Variants in ASAP2 observed in about 807,000 individuals in gnomAD.
The protein encoded by ASAP2 is arf-GAP with SH3 domain, ANK repeat and PH domain-containing protein 2.
Under a neutral mutation model 131.4 loss-of-function variants are expected in ASAP2, and 45 were observed. That is an observed-to-expected ratio of 0.34 (90% CI 0.27 to 0.44). The LOEUF is 0.44. Ranked by LOEUF, ASAP2 falls within the 20% of genes least tolerant of loss-of-function variation. The pLI, the probability that ASAP2 is intolerant of heterozygous loss-of-function variation, is 1.00. For missense variants in ASAP2, 1,011 were observed against 1,297.0 expected, an observed-to-expected ratio of 0.78 and a Z score of 3.39; for synonymous variants, 510 against 503.0, an observed-to-expected ratio of 1.01 and a Z score of -0.19.
intron 1 of ASAP2, among the ~76,000 whole-genome samples, chr2:9,224,969 G>A (rs77896360): frequency 6.6e-6 from 1 of 152,220 alleles, no homozygotes; most frequent in Admixed American, 6.5e-5. Flanking sequence ...GAGGGCATGG[G>A]AGGGCTAGCT....
intron 2 of ASAP2, among the ~76,000 whole-genome samples, chr2:9,292,088 T>C (rs982714645): frequency 6.6e-6 from 1 of 152,108 alleles, no homozygotes; most frequent in Admixed American, 6.5e-5. Context: ...CTCTCTGAGC[T>C]TTGGTTTCCA....
chr2:9,219,916 G>T (rs923056553), intron 1 of ASAP2, among the ~76,000 whole-genome samples: 4 of 152,094 alleles, frequency 2.6e-5, no homozygotes, highest in Non-Finnish European at 2.9e-5. Context: ...CTGTCTCTAT[G>T]GATTTGCCTA....
rs114066379 is a variant in ASAP2, at chr2:9,331,050, C to T, written c.686+3139C>T. 2.9e-3 allele frequency among the ~76,000 whole-genome samples: 441 copies of T among 152,344 alleles called. 3 individuals carry two copies. Among genetic ancestry groups the T allele is most frequent in the African/African-American group, 0.01 (425 of 41,582 alleles). On this transcript the variant is annotated intron_variant, in intron 7 of 27. Coordinates refer to ENST00000281419, the MANE Select transcript of ASAP2 (RefSeq NM_003887.3). ...GAGCTCGCAGCCGTGCGTGTTTCCA[C>T]GTGTGGGAGCGCCTCTCATTCCCCC...
intron 2 of ASAP2, among the ~76,000 whole-genome samples, chr2:9,285,980 G>C (rs1572354061): frequency 1.3e-5 from 2 of 152,290 alleles, no homozygotes; most frequent in Middle Eastern, 6.8e-3. Flanking sequence ...ATTGGAATAT[G>C]ATATTAAAAT....
In ASAP2 at chr2:9,388,551, G is replaced by A. The variant is rs1675477999; in HGVS notation, c.2383+5G>A. The A allele has an allele frequency of 6.2e-7, 1 of 1,610,888 alleles. No homozygotes were observed. The highest frequency in any genetic ancestry group is 1.3e-5 in the African/African-American group (1 of 74,710). On this transcript the variant is annotated splice_donor_5th_base_variant and intron_variant, in intron 22 of 27. Transcript: ENST00000281419. ...CTCCACGGAATGTTGGCAAAGGTATGAAGCTGTCCGTCATCCCTGTGAATA... is the reference window on the plus strand; with the variant it reads ...CTCCACGGAATGTTGGCAAAGGTATAAAGCTGTCCGTCATCCCTGTGAATA...
chr2:9,277,296 C>G (rs1666823817), intron 1 of ASAP2, among the ~76,000 whole-genome samples: 1 of 152,210 alleles, frequency 6.6e-6, no homozygotes, highest in Non-Finnish European at 1.5e-5. Context: ...TGAGCCTGGC[C>G]TAGGTCCCGC....
intron 1 of ASAP2, among the ~76,000 whole-genome samples, chr2:9,262,482 G>A (rs1665644758): frequency 6.6e-6 from 1 of 152,172 alleles, no homozygotes; most frequent in Non-Finnish European, 1.5e-5. Context: ...CCAATTTATA[G>A]ATGAAGAAAC....
intron 5 of ASAP2, among the ~76,000 whole-genome samples, chr2:9,320,849 C>A (rs990104855): frequency 1.3e-5 from 2 of 152,162 alleles, no homozygotes; most frequent in African/African-American, 4.8e-5. Context: ...AGAATTGATT[C>A]TTGGATGTGA....
chr2:9,364,867 A>G (rs541935519), intron 15 of ASAP2, among the ~76,000 whole-genome samples: 1 of 152,192 alleles, frequency 6.6e-6, no homozygotes, highest in Non-Finnish European at 1.5e-5. Flanking sequence ...CGTACACTGT[A>G]TTATCTAACC....
chr2:9,341,247 G>A (rs1359853109), intron 9 of ASAP2, among the ~76,000 whole-genome samples: 2 of 152,194 alleles, frequency 1.3e-5, no homozygotes, highest in Non-Finnish European at 2.9e-5. Context: ...GTTTTGTACA[G>A]GCTAACAAAG....
At chr2:9,364,644 C>T (rs945230227) in intron 15 of ASAP2, among the ~76,000 whole-genome samples, 4 of 152,196 alleles carry the variant, frequency 2.6e-5, no homozygotes, top group African/African-American at 7.2e-5. Flanking sequence ...TAAAGCGGGT[C>T]AACACACAGT....
In ASAP2 at chr2:9,323,103, C is replaced by T. The variant is rs1558330820; in HGVS notation, c.471-18C>T. On this transcript the variant is annotated intron_variant, in intron 5 of 27. Transcript: ENST00000281419. ...TGTGCCAACAGGCATCTTGATGTAT[C>T]CTTGCTTTCACACGTAGAACCAAGA... 1 of 1,613,898 alleles carries T rather than the reference C, an allele frequency of 6.2e-7. No individual in the cohort carries two copies. The highest frequency in any genetic ancestry group is 8.5e-7 in the Non-Finnish European group (1 of 1,179,960).
intron 17 of ASAP2, among the ~76,000 whole-genome samples, chr2:9,375,195 A>G (rs542036600): frequency 6.6e-6 from 1 of 151,856 alleles, no homozygotes; most frequent in East Asian, 1.9e-4. Flanking sequence ...GGTGAGAGGA[A>G]TCGGTTGAGC....
At chr2:9,312,310 C>T (rs13398941) in intron 3 of ASAP2, among the ~76,000 whole-genome samples, 6,481 of 152,086 alleles carry the variant, frequency 0.043, 334 homozygotes, top group African/African-American at 0.12. Context: ...AGAGAAAAAC[C>T]GTGAATGAAA....
chr2:9,355,422 A>G (rs1005565424), intron 12 of ASAP2, among the ~76,000 whole-genome samples: 6 of 152,208 alleles, frequency 3.9e-5, no homozygotes, highest in Non-Finnish European at 7.3e-5. Flanking sequence ...TGGCAAGAGC[A>G]GCACAGAATG....
In ASAP2 at chr2:9,311,775, A is replaced by T. The variant is rs1449955714; in HGVS notation, c.346-6749A>T. 2.0e-5 allele frequency among the ~76,000 whole-genome samples: 3 copies of T among 152,210 alleles called. No individual in the cohort carries two copies. The highest frequency in any genetic ancestry group is 7.2e-5 in the African/African-American group (3 of 41,440). ...CTGCCCGCCACTCAGGCTGCAGGGC[A>T]CACCTGCCGAGAAGCGCGTCTGGCC... On this transcript the variant is annotated intron_variant, in intron 3 of 27. Coordinates refer to ENST00000281419, the MANE Select transcript of ASAP2 (RefSeq NM_003887.3). The surrounding 1 kb of genome is among the most constrained non-coding windows in gnomAD (Gnocchi z 5.2).
intron 1 of ASAP2, among the ~76,000 whole-genome samples, chr2:9,240,855 G>T (rs980100737): frequency 2.6e-5 from 4 of 152,154 alleles, no homozygotes; most frequent in African/African-American, 7.2e-5. Context: ...AAAAATAAGG[G>T]TTACTTGAAC....
chr2:9,222,190 G>T (rs1662473028), intron 1 of ASAP2, among the ~76,000 whole-genome samples: 4 of 152,104 alleles, frequency 2.6e-5, no homozygotes, highest in Admixed American at 2.6e-4. Flanking sequence ...ATGAACTTCG[G>T]TATTAAAAAT....
chr2:9,291,455 GAGGTCGGAAAC>G lies in ASAP2; in HGVS notation c.200-5840_200-5830del, dbSNP rs1667803520. On this transcript the variant is annotated intron_variant, in intron 2 of 27. Coordinates refer to ENST00000281419, the MANE Select transcript of ASAP2 (RefSeq NM_003887.3). ...TCCCATGAGATCATGCGCCACAAGT[GAGGTCGGAAAC>G]AGGTGGCATGTACAGCCGACAGCCG... is the stretch of plus-strand genomic sequence containing the variant. Among the ~76,000 whole-genome samples the G allele has an allele frequency of 3.3e-5, 5 of 152,312 alleles. No homozygotes were observed. The South Asian group carries it at 8.3e-4, about 25-fold the overall frequency.
Sources: gnomAD v4.1 joint callset for allele counts (sites outside exome capture counted in the v4.1 genomes callset) on GRCh38, gnomAD v4.1.1 for gene constraint, Gnocchi (gnomAD v3.1) non-coding constraint, MANE v1.5 for transcripts, NCBI Gene and HGNC (gene_info 2026-07-23, HGNC 2026-07-21) for gene names.